ST8SIA3: variants seen among roughly 807,000 people sequenced by gnomAD.
ST8SIA3 encodes the protein ST8 alpha-N-acetyl-neuraminide alpha-2,8-sialyltransferase 3.
ST8SIA3 carries 17 observed loss-of-function variants against 34.5 expected under a neutral mutation model. The ratio of observed to expected loss-of-function variants is 0.49; its 90% CI spans 0.34 to 0.74. The LOEUF (loss-of-function observed/expected upper bound fraction) is 0.74, where lower values mean the gene tolerates loss of function less well. Among genes scored for constraint, ST8SIA3 ranks in the 30% least tolerant of loss-of-function variants. ST8SIA3 has a pLI of 0.01. For synonymous variants in ST8SIA3, 172 were observed against 176.1 expected (o/e 0.98, Z 0.19); for missense variants, 354 against 467.8 (o/e 0.76, Z 2.24).
intron 1 of ST8SIA3, among the ~76,000 whole-genome samples, chr18:57,353,765 G>A (rs1332990597): frequency 6.6e-6 from 1 of 152,164 alleles, no homozygotes; most frequent in Non-Finnish European, 1.5e-5. Context: ...TGTGACCCCG[G>A]GAACTCTCCC....
In ST8SIA3 at chr18:57,363,884, A is replaced by T. The variant is rs1176362278; in HGVS notation, c.*3607A>T. 2 of 152,210 alleles carry T rather than the reference A, an allele frequency of 1.3e-5. No individual in the cohort carries two copies. The highest frequency in any genetic ancestry group is 2.9e-5 in the Non-Finnish European group (2 of 68,036). The allele number at this position is 152,210 out of a possible 1,614,324, so 9.4% of individuals were successfully genotyped here. ...TTTGCCCCAGATGACACTGTCAATT[A>T]GTGGAGAAATTATGATTCCTCCTCT... On this transcript the variant is annotated 3_prime_UTR_variant, in exon 4 of 4. Coordinates refer to ENST00000324000, the MANE Select transcript of ST8SIA3 (RefSeq NM_015879.3).
chr18:57,361,546 A>C lies in ST8SIA3; in HGVS notation c.*1269A>C, dbSNP rs147728927. The C allele has an allele frequency of 9.4e-4, 144 of 152,774 alleles. 1 individual carries two copies. The highest frequency in any genetic ancestry group is 3.3e-3 in the African/African-American group (136 of 41,582). 9.5% of individuals were successfully genotyped at this position (152,774 alleles called of 1,614,324 possible). On this transcript the variant is annotated 3_prime_UTR_variant, in exon 4 of 4. Transcript: ENST00000324000. Reference sequence around the variant, plus strand: ...TACAAATTAAGCATTTCAAAAGAAAAAGCCATTGTGCAGTGGCAAGAGTTG... The same window carrying C: ...TACAAATTAAGCATTTCAAAAGAAACAGCCATTGTGCAGTGGCAAGAGTTG...
chr18:57,361,977 G>A lies in ST8SIA3; in HGVS notation c.*1700G>A, dbSNP rs563216393. 3 of 152,202 alleles carry A rather than the reference G, an allele frequency of 2.0e-5. No individual in the cohort carries two copies. Among genetic ancestry groups the A allele is most frequent in the African/African-American group, 7.2e-5 (3 of 41,530 alleles). 9.4% of individuals were successfully genotyped at this position (152,202 alleles called of 1,614,324 possible). ...GGAAAGACACTATCGTTATGCTCAC[G>A]TTCTGCCTGGTCCTAAACCTGCCTT... On this transcript the variant is annotated 3_prime_UTR_variant, in exon 4 of 4. Coordinates refer to ENST00000324000, the MANE Select transcript of ST8SIA3 (RefSeq NM_015879.3).
chr18:57,356,739 T>C (rs961148299), intron 2 of ST8SIA3, among the ~76,000 whole-genome samples, 174 bp from the exon 3 acceptor site: 5 of 152,232 alleles, frequency 3.3e-5, no homozygotes, highest in African/African-American at 7.2e-5. Context: ...AAGATTAGAA[T>C]ATGCGGAGAT....
intron 2 of ST8SIA3, among the ~76,000 whole-genome samples, chr18:57,355,828 A>G (rs2049795125): frequency 6.6e-6 from 1 of 152,196 alleles, no homozygotes. Context: ...AATTTTTACC[A>G]GTAGCATTTT....
chr18:57,353,135 C>A, intron 1 of ST8SIA3, 110 bp downstream of exon 1: 2 of 1,049,808 alleles, frequency 1.9e-6, no homozygotes, highest in Non-Finnish European at 2.8e-6. Flanking sequence ...CTCTTTGGGC[C>A]AGATAACTGC....
intron 3 of ST8SIA3, among the ~76,000 whole-genome samples, chr18:57,359,010 T>C (rs1055056951): frequency 6.6e-6 from 1 of 152,216 alleles, no homozygotes; most frequent in Non-Finnish European, 1.5e-5. Flanking sequence ...AGAAACTGCA[T>C]GTGCTTAGAA....
At chr18:57,353,357 G>A (rs1416135923) in intron 1 of ST8SIA3, among the ~76,000 whole-genome samples, 1 of 151,994 alleles carries the variant, frequency 6.6e-6, no homozygotes, top group Non-Finnish European at 1.5e-5. Flanking sequence ...TGTTCGGGAG[G>A]GGGCGGCGAG....
chr18:57,354,377 T>G (rs1420242011), intron 1 of ST8SIA3, 25 bp from the exon 2 acceptor site: 1 of 1,613,588 alleles, frequency 6.2e-7, no homozygotes, highest in South Asian at 1.1e-5. Flanking sequence ...CCAGCACGCT[T>G]GTCTGTGCTC....
At chr18:57,358,870 T>C (rs983166272) in intron 3 of ST8SIA3, among the ~76,000 whole-genome samples, 1 of 152,164 alleles carries the variant, frequency 6.6e-6, no homozygotes, top group Non-Finnish European at 1.5e-5. Flanking sequence ...TCAATTTAAG[T>C]TTGTCTATAC....
intron 2 of ST8SIA3, among the ~76,000 whole-genome samples, chr18:57,356,628 A>G (rs1281642302): frequency 2.0e-5 from 3 of 152,224 alleles, no homozygotes; most frequent in Admixed American, 2.0e-4. Flanking sequence ...TGCTGATCAA[A>G]TAAGATACAC....
Position 57,356,974 on chromosome 18 carries a change from C to T in ST8SIA3, c.364C>T (p.Arg122Trp), listed in dbSNP as rs550363690. 28 of 1,613,554 alleles carry T rather than the reference C, an allele frequency of 1.7e-5. No homozygotes were observed. The highest frequency in any genetic ancestry group is 2.2e-5 in the South Asian group (2 of 90,980). Residue 122 changes from arginine to tryptophan, a missense_variant, in exon 3 of 4, where the codon CGG (arginine) becomes TGG (tryptophan). Arg to Trp is a moderately radical substitution (Grantham distance 101). Transcript: ENST00000324000. ...TTTTTCTTTGACCAAGAATAGTGTT[C>T]GGATTGGACAACTGATGCACTATGA... Reference protein sequence around the residue: ...KNFSLTKNSVRIGQLMHYDYS... With the variant: ...KNFSLTKNSVWIGQLMHYDYS...
At chr18:57,354,108 C>A (rs1238089196) in intron 1 of ST8SIA3, among the ~76,000 whole-genome samples, 3 of 152,224 alleles carry the variant, frequency 2.0e-5, no homozygotes, top group African/African-American at 7.2e-5. Flanking sequence ...GTCCTCGCAG[C>A]GCCGCGGGCT....
At chr18:57,353,147 CG>C in intron 1 of ST8SIA3, 122 bp downstream of exon 1, 1 of 930,420 alleles carries the variant, frequency 1.1e-6, no homozygotes, top group Middle Eastern at 2.5e-4. Context: ...GATAACTGCG[CG>C]GTCCTTCCAC....
chr18:57,356,802 T>G, intron 2 of ST8SIA3, 111 bp from the exon 3 acceptor site: 1 of 700,376 alleles, frequency 1.4e-6, no homozygotes, highest in Non-Finnish European at 2.3e-6. Context: ...TAATCTTTTT[T>G]GGATTCAATG....
chr18:57,357,512 G>T (rs750127317), intron 3 of ST8SIA3, 42 bp downstream of exon 3: 7 of 1,486,756 alleles, frequency 4.7e-6, no homozygotes. Flanking sequence ...TCCACCAGAT[G>T]GCAAATCAAT....
intron 2 of ST8SIA3, among the ~76,000 whole-genome samples, chr18:57,356,384 A>C (rs376335477): frequency 6.6e-6 from 1 of 152,164 alleles, no homozygotes; most frequent in African/African-American, 2.4e-5. Context: ...ACCCACTGCT[A>C]TTACCATCTT....
At chr18:57,355,916 T>C (rs1380048385) in intron 2 of ST8SIA3, among the ~76,000 whole-genome samples, 1 of 152,232 alleles carries the variant, frequency 6.6e-6, no homozygotes, top group East Asian at 1.9e-4. Context: ...CAGTTGCTGT[T>C]GCCTCTATTT....
At chr18:57,358,076 T>C (rs2049809206) in intron 3 of ST8SIA3, among the ~76,000 whole-genome samples, 1 of 152,244 alleles carries the variant, frequency 6.6e-6, no homozygotes, top group Admixed American at 6.5e-5. Flanking sequence ...TCAACTCTGG[T>C]TGTATATTAG....
Sources: gnomAD v4.1 joint callset for allele counts (sites outside exome capture counted in the v4.1 genomes callset) on GRCh38, gnomAD v4.1.1 for gene constraint, MANE v1.5 for transcripts, NCBI Gene and HGNC (gene_info 2026-07-23, HGNC 2026-07-21) for gene names.